ABI3BP: variants seen among roughly 807,000 people sequenced by gnomAD.
ABI3BP encodes the protein target of Nesh-SH3.
ABI3BP carries 216 observed loss-of-function variants against 268.6 expected under a neutral mutation model. The ratio of observed to expected loss-of-function variants is 0.80; its 90% confidence interval spans 0.72 to 0.90. ABI3BP has a LOEUF of 0.90. ABI3BP is among the 40% of genes least tolerant of loss of function. The pLI, the probability that ABI3BP is intolerant of heterozygous loss-of-function variation, is 0.00. For synonymous variants in ABI3BP, 730 were observed against 730.0 expected (o/e 1.00, Z 0.00); for missense variants, 2,090 against 2,182.4 (o/e 0.96, Z 0.84).
intron 6 of ABI3BP, among the ~76,000 whole-genome samples, chr3:100,881,911 C>T (rs2039482321): frequency 6.6e-6 from 1 of 152,128 alleles, no homozygotes; most frequent in African/African-American, 2.4e-5. Context: ...CACAATTGCA[C>T]TGGGGCTTGC....
intron 57 of ABI3BP, 142 bp downstream of exon 57, chr3:100,787,586 T>A: frequency 1.5e-6 from 1 of 651,050 alleles, no homozygotes; most frequent in East Asian, 3.0e-5. Flanking sequence ...TGGAATGAGT[T>A]ATAATTTTCA....
chr3:100,766,430 G>A (rs1212615266), intron 62 of ABI3BP, among the ~76,000 whole-genome samples: 1 of 152,160 alleles, frequency 6.6e-6, no homozygotes, highest in Non-Finnish European at 1.5e-5. Context: ...TCTTTCAGTT[G>A]AGCATCACAG....
intron 2 of ABI3BP, among the ~76,000 whole-genome samples, chr3:100,917,227 G>A (rs2058877968): frequency 6.6e-6 from 1 of 152,138 alleles, no homozygotes; most frequent in Non-Finnish European, 1.5e-5. Context: ...TATTTTGCTG[G>A]TGAGACATGA....
rs559698302 is a variant in ABI3BP at position 100,867,871 on chromosome 3, AT to A, written c.911-916del. Reference sequence around the variant, plus strand: ...TTCAGTACAAAGAATAATTTTTTCCATTTTTCCTCTTTATGCAACTATTTGA... The same window carrying A: ...TTCAGTACAAAGAATAATTTTTTCCATTTTCCTCTTTATGCAACTATTTGA... On this transcript the variant is annotated intron_variant, in intron 9 of 67. Coordinates refer to ENST00000471714, the MANE Select transcript of ABI3BP (RefSeq NM_001375547.2). 2.2e-3 allele frequency among the ~76,000 whole-genome samples: 339 copies of A among 152,080 alleles called. 4 individuals carry two copies. Among genetic ancestry groups the A allele is most frequent in the African/African-American group, 7.7e-3 (320 of 41,506 alleles).
chr3:100,830,042 C>T lies in ABI3BP; in HGVS notation c.2459-378G>A, dbSNP rs370187522. Among the ~76,000 whole-genome samples, 1,027 of 139,362 alleles carry T rather than the reference C, an allele frequency of 7.4e-3. 6 individuals carry two copies. The highest frequency in any genetic ancestry group is 0.011 in the Non-Finnish European group (677 of 63,930). The allele number at this position is 139,362 out of a possible 152,430, so 91.4% of individuals were successfully genotyped here. On this transcript the variant is annotated intron_variant, in intron 32 of 67. Transcript: ENST00000471714. ...TTACTCTTTACTTGGGAAAATTTTA[C>T]TCTTTACTGAAACAAGAACACACCC...
At chr3:100,782,881 C>T (rs1210159944) in intron 57 of ABI3BP, among the ~76,000 whole-genome samples, 1 of 152,000 alleles carries the variant, frequency 6.6e-6, no homozygotes, top group Non-Finnish European at 1.5e-5. Flanking sequence ...CTTCTTTTTC[C>T]CTCAGGCAGG....
intron 1 of ABI3BP, among the ~76,000 whole-genome samples, chr3:100,979,172 A>T (rs1472372572): frequency 1.3e-5 from 2 of 152,184 alleles, no homozygotes; most frequent in African/African-American, 4.8e-5. Flanking sequence ...AAGCTAGAGG[A>T]CCACTGCGCT....
At chr3:100,758,696 A>G (rs1375432513) in intron 63 of ABI3BP, among the ~76,000 whole-genome samples, 1 of 152,226 alleles carries the variant, frequency 6.6e-6, no homozygotes. Context: ...TTATCTCAGA[A>G]GAGTGGCATA....
intron 1 of ABI3BP, among the ~76,000 whole-genome samples, chr3:100,972,555 A>G (rs1196699597): frequency 1.3e-5 from 2 of 152,218 alleles, no homozygotes; most frequent in African/African-American, 4.8e-5. Context: ...AAGTAAATAA[A>G]CATTTCCATT....
intron 6 of ABI3BP, among the ~76,000 whole-genome samples, chr3:100,878,462 ACATGCTTCTGTATTGCAACTTAGCT>A (rs754677832): frequency 8.5e-5 from 13 of 152,208 alleles, no homozygotes; most frequent in Admixed American, 3.3e-4. Context: ...TAGCTACCAC[ACATGCTTCTGTATTGCAACTTAGCT>A]CATACACTAT....
intron 37 of ABI3BP, among the ~76,000 whole-genome samples, chr3:100,823,050 A>AT (rs777572048): frequency 1.3e-5 from 2 of 152,140 alleles, no homozygotes; most frequent in Admixed American, 6.6e-5. Context: ...ATCTGAACAT[A>AT]TTATGACCTT....
At chr3:100,915,467 G>C (rs754782040) in intron 2 of ABI3BP, among the ~76,000 whole-genome samples, 8 of 152,194 alleles carry the variant, frequency 5.3e-5, no homozygotes, top group Non-Finnish European at 1.0e-4. Flanking sequence ...CCAAGTCCCT[G>C]CTGGAGGTGG....
intron 35 of ABI3BP, 37 bp downstream of exon 35, chr3:100,825,748 C>G: frequency 6.7e-7 from 1 of 1,485,584 alleles, no homozygotes; most frequent in South Asian, 1.2e-5. Flanking sequence ...GCAGCAAAAG[C>G]ACTTGGCAAA....
chr3:100,861,875 A>T (rs915511222), intron 14 of ABI3BP, among the ~76,000 whole-genome samples: 2 of 152,208 alleles, frequency 1.3e-5, no homozygotes, highest in Non-Finnish European at 2.9e-5. Context: ...AAATTTTAGA[A>T]CTTACTATAC....
chr3:100,829,786 C>A, intron 32 of ABI3BP, 122 bp from the exon 33 acceptor site: 1 of 732,580 alleles, frequency 1.4e-6, no homozygotes, highest in Non-Finnish European at 2.2e-6. Flanking sequence ...AAATATTTGC[C>A]CCTATTTCAA....
At chr3:100,931,819 C>T (rs1017217783) in intron 1 of ABI3BP, among the ~76,000 whole-genome samples, 3 of 151,874 alleles carry the variant, frequency 2.0e-5, no homozygotes, top group African/African-American at 4.8e-5. Flanking sequence ...CTATCAACTA[C>T]GAATGACATT....
intron 2 of ABI3BP, among the ~76,000 whole-genome samples, chr3:100,905,031 A>G (rs998211885): frequency 6.6e-6 from 1 of 152,230 alleles, no homozygotes; most frequent in African/African-American, 2.4e-5. Flanking sequence ...ACAATGATAG[A>G]CTGGATTAAG....
chr3:100,952,071 C>T (rs1333918989), intron 1 of ABI3BP, among the ~76,000 whole-genome samples: 2 of 152,122 alleles, frequency 1.3e-5, no homozygotes, highest in Non-Finnish European at 2.9e-5. Flanking sequence ...AATCCCAGCT[C>T]CTCCTGCTAA....
intron 50 of ABI3BP, among the ~76,000 whole-genome samples, chr3:100,807,467 TA>T (rs1272007145): frequency 2.0e-5 from 3 of 152,024 alleles, no homozygotes; most frequent in African/African-American, 7.2e-5. Context: ...AAAATTATGC[TA>T]AATAAGGCAG....
Sources: allele counts gnomAD v4.1 joint callset (sites outside exome capture counted in the v4.1 genomes callset), GRCh38; gene constraint gnomAD v4.1.1; transcripts MANE v1.5; gene names NCBI Gene and HGNC (gene_info 2026-07-23, HGNC 2026-07-21).